The following PIP5K1B variants were observed in gnomAD, a reference collection of about 807,000 sequenced individuals.
PIP5K1B encodes phosphatidylinositol-4-phosphate 5-kinase type 1 beta.
Under a neutral mutation model 67.0 loss-of-function variants are expected in PIP5K1B, and 42 were observed. The ratio of observed to expected loss-of-function variants is 0.63; its 90% CI spans 0.49 to 0.81. The LOEUF is 0.81. Ranked by LOEUF, PIP5K1B falls within the 30% of genes least tolerant of loss-of-function variation. The pLI is 0.00. For missense variants in PIP5K1B, 459 were observed against 646.3 expected (o/e 0.71, Z 3.14); for synonymous variants, 214 against 231.4 (o/e 0.92, Z 0.68).
At chr9:68,916,748 T>G (rs938852179) in intron 8 of PIP5K1B, among the ~76,000 whole-genome samples, 7 of 151,976 alleles carry the variant, frequency 4.6e-5, no homozygotes, top group Non-Finnish European at 7.4e-5. Context: ...GGCGGGCACC[T>G]GTAATACCAG....
chr9:68,995,528 G>A lies in PIP5K1B; in HGVS notation c.1620+4271G>A, dbSNP rs148646408. On this transcript the variant is annotated intron_variant, in intron 15 of 15. Transcript: ENST00000265382. ...CCATATGAAAAAGCAAATGGAGGCC[G>A]GGCACAGTGGCTCATGCCTGTAATC... Among the ~76,000 whole-genome samples, 534 of 152,244 alleles carry A rather than the reference G, an allele frequency of 3.5e-3. 2 individuals carry two copies. Among genetic ancestry groups the A allele is most frequent in the African/African-American group, 0.012 (500 of 41,544 alleles).
At chr9:68,748,247 A>G (rs944540452) in intron 2 of PIP5K1B, among the ~76,000 whole-genome samples, 4 of 152,214 alleles carry the variant, frequency 2.6e-5, no homozygotes, top group Non-Finnish European at 5.9e-5. Context: ...TGAATGCCCA[A>G]TATTTTTAAT....
At chr9:68,969,097 G>A (rs1013473460) in intron 14 of PIP5K1B, among the ~76,000 whole-genome samples, 1 of 152,024 alleles carries the variant, frequency 6.6e-6, no homozygotes, top group Non-Finnish European at 1.5e-5. Flanking sequence ...GGCCGGGCGC[G>A]GTGGCTCATG....
chr9:68,788,473 G>GTTTTTGTTTTGT (rs1554714779), intron 2 of PIP5K1B: 1 of 93,098 alleles, frequency 1.1e-5, no homozygotes, highest in African/African-American at 1.1e-4. Flanking sequence ...TATCAGGAAG[G>GTTTTTGTTTTGT]TTTTTGTTTT....
chr9:68,865,554 G>C (rs1823314926), intron 5 of PIP5K1B, among the ~76,000 whole-genome samples: 1 of 152,188 alleles, frequency 6.6e-6, no homozygotes, highest in African/African-American at 2.4e-5. Context: ...TCAGGGTGCT[G>C]AGAGCATTAC....
intron 4 of PIP5K1B, among the ~76,000 whole-genome samples, chr9:68,830,366 GAGTT>G (rs1298836098): frequency 1.3e-5 from 2 of 152,106 alleles, no homozygotes. Context: ...CTGCCTTTAT[GAGTT>G]TTAAGCAGGA....
chr9:68,841,295 A>G (rs1821907138), intron 4 of PIP5K1B, among the ~76,000 whole-genome samples: 1 of 152,204 alleles, frequency 6.6e-6, no homozygotes, highest in African/African-American at 2.4e-5. Flanking sequence ...AATTTTCAAA[A>G]TCAAATTTTG....
At chr9:68,911,321 C>T (rs759585441) in intron 8 of PIP5K1B, among the ~76,000 whole-genome samples, 9 of 149,944 alleles carry the variant, frequency 6.0e-5, no homozygotes, top group Non-Finnish European at 1.3e-4. Flanking sequence ...TGCAGTGAGC[C>T]GAGAACATGC....
intron 15 of PIP5K1B, among the ~76,000 whole-genome samples, chr9:68,996,380 G>C (rs1830602411): frequency 6.6e-6 from 1 of 152,108 alleles, no homozygotes; most frequent in Non-Finnish European, 1.5e-5. Flanking sequence ...CCTTCACACT[G>C]TAGAGTCCCA....
At chr9:68,805,055 A>C (rs1474322419) in intron 2 of PIP5K1B, among the ~76,000 whole-genome samples, 1 of 152,214 alleles carries the variant, frequency 6.6e-6, no homozygotes, top group Non-Finnish European at 1.5e-5. Context: ...TGCATTCTTC[A>C]AGGAAGTCCT....
At chr9:68,921,787 G>A (rs747412778) in intron 11 of PIP5K1B, among the ~76,000 whole-genome samples, 2 of 152,202 alleles carry the variant, frequency 1.3e-5, no homozygotes, top group Non-Finnish European at 2.9e-5. Flanking sequence ...GGAGGCAGAC[G>A]TTGCAGTGAG....
chr9:68,777,673 T>C (rs1830986642), intron 2 of PIP5K1B, among the ~76,000 whole-genome samples: 1 of 152,216 alleles, frequency 6.6e-6, no homozygotes, highest in African/African-American at 2.4e-5. Context: ...ATGTTTTATT[T>C]TGTGGGCTCA....
In PIP5K1B at chr9:68,890,232, TAG is replaced by T. The variant is rs538376734; in HGVS notation, c.471+1103_471+1104del. 4.6e-5 allele frequency among the ~76,000 whole-genome samples: 7 copies of T among 152,350 alleles called. No individual in the cohort carries two copies. In the South Asian group the frequency reaches 1.5e-3, roughly 32 times the overall value. Reference sequence around the variant, plus strand: ...AAAAATCACCTTTCATGTAATATTTTAGAGACAAAGGAACAGTAACTTAGCCT... The same window carrying T: ...AAAAATCACCTTTCATGTAATATTTTAGACAAAGGAACAGTAACTTAGCCT... On this transcript the variant is annotated intron_variant, in intron 7 of 15. Transcript: ENST00000265382.
intron 4 of PIP5K1B, among the ~76,000 whole-genome samples, chr9:68,863,232 C>T (rs546637272): frequency 1.7e-4 from 26 of 152,178 alleles, no homozygotes; most frequent in African/African-American, 5.8e-4. Flanking sequence ...GGTGAAGAAC[C>T]ACTGATTTAA....
intron 5 of PIP5K1B, 38 bp from the exon 6 acceptor site, chr9:68,876,639 T>G: frequency 8.8e-7 from 1 of 1,135,246 alleles, no homozygotes; most frequent in Non-Finnish European, 1.3e-6. Flanking sequence ...TGCTAATGTG[T>G]TCTTTCTTTC....
intron 4 of PIP5K1B, among the ~76,000 whole-genome samples, chr9:68,847,464 T>TGTGTGTGTGG (rs59525714): frequency 1.5e-5 from 2 of 134,988 alleles, no homozygotes; most frequent in African/African-American, 3.0e-5. Context: ...TGTGTGTGTG[T>TGTGTGTGTGG]AGGTGGGGAT....
At chr9:68,902,235 A>G (rs1825400097) in intron 8 of PIP5K1B, among the ~76,000 whole-genome samples, 1 of 152,200 alleles carries the variant, frequency 6.6e-6, no homozygotes, top group Admixed American at 6.5e-5. Context: ...AAAGATGCCT[A>G]ATGGTACCCT....
intron 8 of PIP5K1B, among the ~76,000 whole-genome samples, chr9:68,913,153 G>A (rs1587656655): frequency 6.6e-6 from 1 of 152,338 alleles, no homozygotes; most frequent in South Asian, 2.1e-4. Context: ...AAGCCTTGCA[G>A]TATTCCAACT....
At chr9:68,894,707 T>TTCTATGCTTTCAATAAGTG in intron 8 of PIP5K1B, 69 bp downstream of exon 8, 1 of 1,414,442 alleles carries the variant, frequency 7.1e-7, no homozygotes, top group Non-Finnish European at 9.8e-7. Context: ...TGCCACTTAT[T>TTCTATGCTTTCAATAAGTG]GAAAGCATAG....
Sources: allele counts gnomAD v4.1 joint callset (sites outside exome capture counted in the v4.1 genomes callset), GRCh38; gene constraint gnomAD v4.1.1; transcripts MANE v1.5; gene names NCBI Gene and HGNC (gene_info 2026-07-23, HGNC 2026-07-21).